MYCBP2: variants seen among roughly 807,000 people sequenced by gnomAD.
The protein encoded by MYCBP2 is E3 ubiquitin-protein ligase MYCBP2.
A neutral mutation model predicts 525.3 loss-of-function variants in MYCBP2; 120 were observed. The observed-to-expected ratio is 0.23, with a 90% CI of 0.20 to 0.27. The LOEUF (loss-of-function observed/expected upper bound fraction) is 0.27. MYCBP2 is among the 10% of genes least tolerant of loss of function. MYCBP2 has a pLI of 1.00. For missense variants in MYCBP2, 4,149 were observed against 5,657.1 expected, an observed-to-expected ratio of 0.73 and a Z score of 8.55; for synonymous variants, 1,894 against 1,955.8, an observed-to-expected ratio of 0.97 and a Z score of 0.83.
chr13:77,052,452 G>C (rs1374886244), intron 80 of MYCBP2, among the ~76,000 whole-genome samples: 1 of 152,204 alleles, frequency 6.6e-6, no homozygotes, highest in Non-Finnish European at 1.5e-5. Flanking sequence ...TCTTGCCTTG[G>C]CCTCCCAAAG....
At chr13:77,218,051 TA>T in intron 20 of MYCBP2, 94 bp from the exon 21 acceptor site, 2 of 739,350 alleles carry the variant, frequency 2.7e-6, no homozygotes, top group South Asian at 2.0e-5. Flanking sequence ...GTAGGAAAGA[TA>T]AAAGGCACTC....
At chr13:77,266,375 T>C (rs898820925) in intron 8 of MYCBP2, among the ~76,000 whole-genome samples, 1 of 152,138 alleles carries the variant, frequency 6.6e-6, no homozygotes, top group Admixed American at 6.5e-5. Context: ...TTGTAACATT[T>C]AAGTGACATT....
At chr13:77,259,597 T>G (rs1366724747) in intron 13 of MYCBP2, among the ~76,000 whole-genome samples, 2 of 152,202 alleles carry the variant, frequency 1.3e-5, no homozygotes. Context: ...TATTACAACA[T>G]TAAGCCAGTT....
In MYCBP2 at chr13:77,260,526, A is replaced by G. The variant is rs754064048; in HGVS notation, c.1919T>C (p.Val640Ala). ...KKIIKMEGKI[V>A]VYTACNNGSS... ...TCCATTATTGCAGGCTGTATATACC[A>G]CAATCTTTCCTTCCATCTTAATTAT... The change falls in exon 13 of 83, where the codon GTG becomes GCG. Residue 640 changes from valine to alanine, a missense_variant. Physicochemically the swap from Val to Ala is moderately conservative, Grantham distance 64. Coordinates refer to ENST00000544440, the MANE Select transcript of MYCBP2 (RefSeq NM_015057.5). 1.2e-6 allele frequency: 2 copies of G among 1,611,372 alleles called. No homozygotes were observed. The highest frequency in any genetic ancestry group is 1.7e-6 in the Non-Finnish European group (2 of 1,178,770).
At chr13:77,246,622 A>C (rs1332635370) in intron 15 of MYCBP2, among the ~76,000 whole-genome samples, 1 of 149,044 alleles carries the variant, frequency 6.7e-6, no homozygotes, top group African/African-American at 2.5e-5. Context: ...AGAAAGAAGA[A>C]GGAGAAGGAG....
chr13:77,086,092 T>C (rs940461421), intron 62 of MYCBP2, among the ~76,000 whole-genome samples: 3 of 152,194 alleles, frequency 2.0e-5, no homozygotes, highest in African/African-American at 4.8e-5. Flanking sequence ...ATAGTCAATG[T>C]TTTTTAAGAT....
intron 44 of MYCBP2, among the ~76,000 whole-genome samples, chr13:77,159,623 T>C (rs73241409): frequency 0.022 from 3,371 of 152,246 alleles, 57 homozygotes; most frequent in Middle Eastern, 0.075. Context: ...TTCCTTACAA[T>C]ATCTGGTTGT....
At chr13:77,312,180 A>G (rs936654836) in intron 1 of MYCBP2, among the ~76,000 whole-genome samples, 1 of 152,152 alleles carries the variant, frequency 6.6e-6, no homozygotes, top group Non-Finnish European at 1.5e-5. Context: ...AAATAAATAC[A>G]TTCTCAAAGA....
intron 52 of MYCBP2, among the ~76,000 whole-genome samples, chr13:77,131,551 G>A (rs954999432): frequency 6.6e-6 from 1 of 150,820 alleles, no homozygotes; most frequent in Admixed American, 6.6e-5. Context: ...CTTGAATAGT[G>A]TTCTTTGGAA....
chr13:77,254,168 T>C (rs2071734729), intron 14 of MYCBP2, among the ~76,000 whole-genome samples: 1 of 151,810 alleles, frequency 6.6e-6, no homozygotes, highest in Non-Finnish European at 1.5e-5. Flanking sequence ...TAAAAACACA[T>C]AAAACAGTAG....
intron 52 of MYCBP2, 145 bp downstream of exon 52, chr13:77,139,051 A>T: frequency 4.6e-6 from 4 of 878,860 alleles, no homozygotes. Flanking sequence ...TTCATTACAC[A>T]GAAGCCCTTA....
chr13:77,124,695 T>C (rs1207408835), intron 54 of MYCBP2, among the ~76,000 whole-genome samples: 2 of 152,190 alleles, frequency 1.3e-5, no homozygotes, highest in Non-Finnish European at 2.9e-5. Context: ...CACAATTCTT[T>C]AGGAACACAA....
At chr13:77,049,876 T>C (rs1470873568) in intron 82 of MYCBP2, among the ~76,000 whole-genome samples, 1 of 152,180 alleles carries the variant, frequency 6.6e-6, no homozygotes, top group African/African-American at 2.4e-5. Flanking sequence ...CCTCAAGTGA[T>C]CCACCTGCTT....
chr13:77,147,152 A>C (rs2055723895), intron 47 of MYCBP2, among the ~76,000 whole-genome samples: 1 of 152,254 alleles, frequency 6.6e-6, no homozygotes, highest in South Asian at 2.1e-4. Context: ...TGGAAAACGT[A>C]TTGAACAACC....
chr13:77,297,480 C>T (rs1264594732), intron 1 of MYCBP2, among the ~76,000 whole-genome samples: 2 of 151,992 alleles, frequency 1.3e-5, no homozygotes, highest in Admixed American at 1.3e-4. Context: ...AGAGGGAATG[C>T]AGGGAGAACG....
intron 82 of MYCBP2, among the ~76,000 whole-genome samples, chr13:77,047,523 A>G (rs1315032863): frequency 2.0e-5 from 3 of 152,182 alleles, no homozygotes; most frequent in Non-Finnish European, 2.9e-5. Context: ...TTAGGTAGAT[A>G]GCAAGGGAAG....
At chr13:77,267,726 A>C (rs2074304354) in intron 8 of MYCBP2, 115 bp downstream of exon 8, 2 of 791,268 alleles carry the variant, frequency 2.5e-6, no homozygotes, top group Non-Finnish European at 4.2e-6. Context: ...GATTTTTAAA[A>C]CCCTTTTATA....
At position 77,326,412 on chromosome 13, in the gene MYCBP2, C is replaced by CGCGGCATGGGGCGCAAGGAAGG. The variant is rs997393103; in HGVS notation, c.302+40_302+61dup. The CGCGGCATGGGGCGCAAGGAAGG allele has an allele frequency of 4.4e-5, 64 of 1,458,952 alleles. No homozygotes were observed. Among genetic ancestry groups the CGCGGCATGGGGCGCAAGGAAGG allele is most frequent in the South Asian group, 9.4e-5 (7 of 74,222 alleles). The allele number at this position is 1,458,952 out of a possible 1,614,324, so 90.4% of individuals were successfully genotyped here. The stretch of plus-strand genomic sequence containing the variant: ...AAGCACACACACACGCGGGTGCACG[C>CGCGGCATGGGGCGCAAGGAAGG]GCGGCATGGGGCGCAAGGAAGGGCG... On this transcript the variant is annotated intron_variant, in intron 1 of 82. Transcript: ENST00000544440. This position sits in a 1 kb window ranked among gnomAD's most constrained non-coding sequence, Gnocchi z 4.2.
Position 77,194,922 on chromosome 13 carries a change from T to G in MYCBP2, c.3844-678A>C, listed in dbSNP as rs530527774. Among the ~76,000 whole-genome samples the G allele has an allele frequency of 6.3e-4, 95 of 151,592 alleles. 2 individuals carry two copies. The South Asian group carries it at 8.0e-3, about 13-fold the overall frequency. ...ATGGCTCTTAAAAAAGAGGGGAAGA[T>G]CCTCTGGGTAAGAAAAAAACAGAAA... On this transcript the variant is annotated intron_variant, in intron 26 of 82. Coordinates refer to ENST00000544440, the MANE Select transcript of MYCBP2 (RefSeq NM_015057.5).
Sources: gnomAD v4.1 joint callset for allele counts (sites outside exome capture counted in the v4.1 genomes callset) on GRCh38, gnomAD v4.1.1 for gene constraint, Gnocchi (gnomAD v3.1) non-coding constraint, MANE v1.5 for transcripts, NCBI Gene and HGNC (gene_info 2026-07-23, HGNC 2026-07-21) for gene names.